Variants in SAMMSON observed in about 807,000 individuals in gnomAD.
SAMMSON encodes survival associated mitochondrial melanoma specific oncogenic non-coding RNA, also known as long intergenic non-protein coding RNA 1212.
intron 7 of SAMMSON, among the ~76,000 whole-genome samples, chr3:70,332,347 A>G (rs1702627121): frequency 6.6e-6 from 1 of 152,148 alleles, no homozygotes; most frequent in South Asian, 2.1e-4. Flanking sequence ...CTGGTGTTCC[A>G]GGCTAGTAAG....
In SAMMSON at chr3:70,136,576, G is replaced by A. The variant is rs112554465; in HGVS notation, n.507+65011G>A. Among the ~76,000 whole-genome samples, 13 of 152,314 alleles carry A rather than the reference G, an allele frequency of 8.5e-5. 1 individual carries two copies. Among genetic ancestry groups the A allele is most frequent in the Admixed American group, 2.0e-4 (3 of 15,296 alleles). On this transcript the variant is annotated intron_variant and non_coding_transcript_variant, in intron 4 of 9. Transcript: ENST00000642114. ...GCTGAACGGTTCTTGAATGCTTGAC[G>A]TACAGAAACTGTGTGAGATAGTAAA...
At chr3:70,114,385 A>G (rs1321612588) in intron 4 of SAMMSON, among the ~76,000 whole-genome samples, 2 of 152,222 alleles carry the variant, frequency 1.3e-5, no homozygotes, top group Non-Finnish European at 2.9e-5. Flanking sequence ...TTCTTCCTCA[A>G]CGAAATCTCT....
intron 7 of SAMMSON, among the ~76,000 whole-genome samples, chr3:70,350,852 A>C (rs1702789564): frequency 6.6e-6 from 1 of 152,118 alleles, no homozygotes; most frequent in Admixed American, 6.5e-5. Context: ...ATTTCTAAGG[A>C]GGTGACATTG....
intron 4 of SAMMSON, chr3:70,126,902 A>T (rs1293548074): frequency 6.5e-6 from 1 of 154,296 alleles, no homozygotes; most frequent in Non-Finnish European, 1.4e-5. Flanking sequence ...TTTAGTAGAG[A>T]CGGGGTTTCA....
chr3:70,196,974 G>A (rs1268377387), intron 4 of SAMMSON: 3 of 398,518 alleles, frequency 7.5e-6, no homozygotes, highest in Non-Finnish European at 1.3e-5. Context: ...CCAGACACTC[G>A]CTGGTCTCAT....
chr3:70,237,316 G>A (rs903566933), intron 4 of SAMMSON, among the ~76,000 whole-genome samples: 1 of 152,114 alleles, frequency 6.6e-6, no homozygotes, highest in Non-Finnish European at 1.5e-5. Context: ...CTCTATTAAT[G>A]AATGCTTAAA....
At chr3:70,193,876 T>C (rs985553617) in intron 4 of SAMMSON, among the ~76,000 whole-genome samples, 1 of 152,222 alleles carries the variant, frequency 6.6e-6, no homozygotes, top group African/African-American at 2.4e-5. Flanking sequence ...GAAAAAATGC[T>C]AATATGACCT....
intron 4 of SAMMSON, among the ~76,000 whole-genome samples, chr3:70,207,600 C>A (rs751449710): frequency 1.3e-5 from 2 of 151,848 alleles, no homozygotes; most frequent in African/African-American, 2.4e-5. Context: ...ACAACAAATC[C>A]TAGATACACA....
chr3:70,398,167 A>G (rs1195004793), intron 2 of SAMMSON, among the ~76,000 whole-genome samples: 1 of 152,200 alleles, frequency 6.6e-6, no homozygotes, highest in Non-Finnish European at 1.5e-5. Context: ...AAAGAAAAAT[A>G]TAAAATTATA....
intron 4 of SAMMSON, among the ~76,000 whole-genome samples, chr3:70,095,596 C>T (rs1375237839): frequency 6.6e-6 from 1 of 152,168 alleles, no homozygotes; most frequent in Non-Finnish European, 1.5e-5. Flanking sequence ...CAACACCCAG[C>T]TCTGCCAATT....
intron 4 of SAMMSON, among the ~76,000 whole-genome samples, chr3:70,193,419 G>A (rs1701146642): frequency 6.6e-6 from 1 of 152,144 alleles, no homozygotes; most frequent in African/African-American, 2.4e-5. Flanking sequence ...TCAGCCTCCT[G>A]AGTGGCTAAG....
rs751396974 is a variant in SAMMSON, at chr3:70,335,393, GTTTC to G, written n.740-18778_740-18775del. On this transcript the variant is annotated intron_variant and non_coding_transcript_variant, in intron 7 of 9. Coordinates refer to ENST00000642114, the Ensembl canonical transcript of SAMMSON. The stretch of plus-strand genomic sequence containing the variant: ...AACAAAACATATTTGCTTAGGTTTT[GTTTC>G]TTTATAATATACCAGCACACAATCA... 9.2e-5 allele frequency among the ~76,000 whole-genome samples: 14 copies of G among 151,954 alleles called. No homozygotes were observed. The South Asian group carries it at 1.5e-3, about 16-fold the overall frequency.
exon 2 of SAMMSON, chr3:70,012,394 A>T (rs978555737): frequency 6.6e-6 from 1 of 152,120 alleles, no homozygotes; most frequent in Non-Finnish European, 1.5e-5. Context: ...TTAAGAGGGA[A>T]AGAGGAAGCC....
chr3:70,238,371 G>A (rs1375428456), intron 4 of SAMMSON, among the ~76,000 whole-genome samples: 1 of 152,068 alleles, frequency 6.6e-6, no homozygotes, highest in Non-Finnish European at 1.5e-5. Flanking sequence ...ATTTTGGGGA[G>A]GCTGAGGCAA....
chr3:70,417,947 C>T (rs776769783), intron 2 of SAMMSON, among the ~76,000 whole-genome samples: 6 of 152,140 alleles, frequency 3.9e-5, no homozygotes, highest in Admixed American at 6.6e-5. Context: ...AAGAAATAGA[C>T]GCTTTGCTAG....
intron 3 of SAMMSON, among the ~76,000 whole-genome samples, chr3:70,051,576 A>G (rs1213255024): frequency 6.6e-6 from 1 of 151,544 alleles, no homozygotes; most frequent in Non-Finnish European, 1.5e-5. Context: ...ATATTTATGG[A>G]CACACGAAGA....
At chr3:70,249,737 G>A (rs1701742064) in intron 6 of SAMMSON, 1 of 152,126 alleles carries the variant, frequency 6.6e-6, no homozygotes, top group African/African-American at 2.4e-5. Flanking sequence ...CATTAGTATG[G>A]CGCGAAGCCT....
chr3:70,384,258 G>C (rs906684214), intron 9 of SAMMSON, among the ~76,000 whole-genome samples: 3 of 151,766 alleles, frequency 2.0e-5, no homozygotes, highest in African/African-American at 7.3e-5. Flanking sequence ...AAAACATATA[G>C]GGATTTTTTT....
chr3:70,423,532 T>C (rs1178492098), intron 2 of SAMMSON, among the ~76,000 whole-genome samples: 2 of 152,164 alleles, frequency 1.3e-5, no homozygotes, highest in East Asian at 3.8e-4. Context: ...AGCATTGAAC[T>C]TCCAATCAGT....
Sources: gnomAD v4.1 joint callset for allele counts (sites outside exome capture counted in the v4.1 genomes callset) on GRCh38, gnomAD v4.1.1 for gene constraint, MANE v1.5 for transcripts, NCBI Gene and HGNC (gene_info 2026-07-23, HGNC 2026-07-21) for gene names.